PRR14L: variants seen among roughly 807,000 people sequenced by gnomAD.
PRR14L encodes proline rich 14 like.
In PRR14L, 80 loss-of-function variants were observed where a neutral mutation model predicts 155.0. The ratio of observed to expected loss-of-function variants is 0.52; its 90% CI spans 0.43 to 0.62. The LOEUF is 0.62. Ranked by LOEUF, PRR14L falls within the 20% of genes least tolerant of loss-of-function variation. PRR14L has a pLI of 0.00. For synonymous variants in PRR14L, 883 were observed against 916.0 expected (o/e 0.96, Z 0.65); for missense variants, 2,469 against 2,548.0 (o/e 0.97, Z 0.67).
At position 31,712,902 on chromosome 22, in the gene PRR14L, GGAA is replaced by G. The variant is rs776365426; in HGVS notation, c.4934_4936del (p.Leu1645del). The G allele has an allele frequency of 1.0e-5, 16 of 1,551,838 alleles. No individual in the cohort carries two copies. In the East Asian group the frequency reaches 2.2e-4, roughly 21 times the overall value. On this transcript the variant is annotated inframe_deletion, in exon 4 of 9. Coordinates refer to ENST00000327423, the MANE Select transcript of PRR14L (RefSeq NM_173566.3). Reference sequence around the variant, plus strand: ...GAGGCGCTTGTAGCTTTTAGCCATTGGAAGAAGTTCAGAGGAACACCGTCGGTA... The same window carrying G: ...GAGGCGCTTGTAGCTTTTAGCCATTGGAAGTTCAGAGGAACACCGTCGGTA...
At chr22:31,717,566 C>A (rs1438510345) in intron 3 of PRR14L, among the ~76,000 whole-genome samples, 1 of 152,106 alleles carries the variant, frequency 6.6e-6, no homozygotes, top group Admixed American at 6.6e-5. Flanking sequence ...CAACTGAATA[C>A]AACATAGAAA....
intron 4 of PRR14L, among the ~76,000 whole-genome samples, chr22:31,705,769 G>A (rs1007873746): frequency 8.6e-5 from 13 of 151,820 alleles, no homozygotes; most frequent in Non-Finnish European, 1.5e-4. Flanking sequence ...GGAGGCTGAG[G>A]TGGGCAGATC....
intron 1 of PRR14L, among the ~76,000 whole-genome samples, chr22:31,744,150 G>A (rs1358406339): frequency 2.0e-5 from 2 of 100,542 alleles, no homozygotes; most frequent in Non-Finnish European, 4.1e-5. Context: ...TTTTTTTTTT[G>A]GGATGGAGTT....
chr22:31,738,890 C>A lies in PRR14L; in HGVS notation c.-30G>T. The A allele has an allele frequency of 7.2e-7, 1 of 1,387,438 alleles. No individual in the cohort carries two copies. Among genetic ancestry groups the A allele is most frequent in the Non-Finnish European group, 9.8e-7 (1 of 1,021,040 alleles). 85.9% of individuals were successfully genotyped at this position (1,387,438 alleles called of 1,614,324 possible). A position where few individuals can be genotyped will look rare whatever the true frequency, so the allele number is the denominator to read the frequency against. On this transcript the variant is annotated 5_prime_UTR_variant, in exon 2 of 9. Transcript: ENST00000327423. ...ACAGATGCAGATTATGGAGTCAAGT[C>A]TTTTACATCAAATGATTCACCCTGA...
intron 3 of PRR14L, among the ~76,000 whole-genome samples, chr22:31,723,178 T>C (rs2074700166): frequency 6.6e-6 from 1 of 152,154 alleles, no homozygotes; most frequent in African/African-American, 2.4e-5. Context: ...CAAGCTCGCC[T>C]ATACCAAACT....
In PRR14L at chr22:31,682,072, A is replaced by G. The variant is rs1313100759; in HGVS notation, c.*3455T>C. 6.6e-6 allele frequency: 1 copy of G among 152,244 alleles called. No individual in the cohort carries two copies. The highest frequency in any genetic ancestry group is 1.5e-5 in the Non-Finnish European group (1 of 68,050). 9.4% of individuals were successfully genotyped at this position (152,244 alleles called of 1,614,324 possible). On this transcript the variant is annotated 3_prime_UTR_variant, in exon 9 of 9. Coordinates refer to ENST00000327423, the MANE Select transcript of PRR14L (RefSeq NM_173566.3). Reference sequence around the variant, plus strand: ...GATCTTAATGTACATGGCATTGATTATGAGACGGAATTCCAGCCTGGAGAC... The same window carrying G: ...GATCTTAATGTACATGGCATTGATTGTGAGACGGAATTCCAGCCTGGAGAC...
At position 31,685,604 on chromosome 22, in the gene PRR14L, G is replaced by C; in HGVS notation, c.6379C>G (p.Leu2127Val). 6.4e-7 allele frequency: 1 copy of C among 1,551,984 alleles called. No individual in the cohort carries two copies. The highest frequency in any genetic ancestry group is 1.2e-5 in the South Asian group (1 of 84,046). The part of the protein sequence containing the change: ...AAVQSRELDA[L>V]LIQKLMELET... The stretch of plus-strand genomic sequence containing the variant: ...AGTTCCATTAGTTTCTGTATCAAAA[G>C]AGCATCCAGCTCTCGACTCTGCACA... Residue 2127 changes from leucine (L) to valine (V), a missense_variant, in exon 9 of 9, where the codon CTT becomes GTT. Leu to Val is a conservative substitution (Grantham distance 32). This residue lies in a region of PRR14L where 106 missense variants were observed against 176.4 expected (regional missense o/e 0.60). Coordinates refer to ENST00000327423, the MANE Select transcript of PRR14L (RefSeq NM_173566.3).
chr22:31,694,251 G>A (rs544151749), intron 7 of PRR14L, among the ~76,000 whole-genome samples: 2 of 151,558 alleles, frequency 1.3e-5, no homozygotes, highest in Admixed American at 6.6e-5. Flanking sequence ...CACTCCAGCC[G>A]GGAAAGGCGT....
chr22:31,682,382 T>A lies in PRR14L; in HGVS notation c.*3145A>T, dbSNP rs1021846944. ...GTTTCTGGGCTCCTCAGGCTCCGAA[T>A]AAGGCAAACGCTACATGTCTTCACC... On this transcript the variant is annotated 3_prime_UTR_variant, in exon 9 of 9. Coordinates refer to ENST00000327423, the MANE Select transcript of PRR14L (RefSeq NM_173566.3). 1 of 143,912 alleles carries A rather than the reference T, an allele frequency of 6.9e-6. No homozygotes were observed. The highest frequency in any genetic ancestry group is 2.8e-5 in the African/African-American group (1 of 35,800). 8.9% of individuals were successfully genotyped at this position (143,912 alleles called of 1,614,324 possible). A position where few individuals can be genotyped will look rare whatever the true frequency, so the allele number is the denominator to read the frequency against.
intron 7 of PRR14L, among the ~76,000 whole-genome samples, chr22:31,698,018 TAGTC>T (rs1255313143): frequency 1.3e-5 from 2 of 151,978 alleles, no homozygotes; most frequent in Admixed American, 6.6e-5. Flanking sequence ...TTAATTCAAG[TAGTC>T]AGTCCCTTCT....
intron 2 of PRR14L, among the ~76,000 whole-genome samples, chr22:31,737,000 T>A (rs942617779): frequency 1.7e-5 from 2 of 120,206 alleles, no homozygotes; most frequent in African/African-American, 6.5e-5. Flanking sequence ...ATCACACCAC[T>A]GCACTCCAGC....
Position 31,714,442 on chromosome 22 carries a change from C to T in PRR14L, c.3397G>A (p.Glu1133Lys), listed in dbSNP as rs2074642522. The stretch of plus-strand genomic sequence containing the variant: ...TTTAAAGATCTGCATACGTTTTCTT[C>T]ACATGATTTTTTTATTTTGAGAAAG... ...VDFLKIKKSC[E>K]ENVCRSLKDC... is the part of the protein sequence containing the mutation. Residue 1133 changes from glutamate (E) to lysine (K), a missense_variant, in exon 4 of 9, where the codon GAA becomes AAA. Transcript: ENST00000327423. 7.7e-6 allele frequency: 12 copies of T among 1,551,546 alleles called. No individual in the cohort carries two copies. The highest frequency in any genetic ancestry group is 1.0e-5 in the Non-Finnish European group (12 of 1,146,976).
Position 31,738,830 on chromosome 22 carries a change from C to T in PRR14L, c.31G>A (p.Val11Ile). 1 of 1,545,212 alleles carries T rather than the reference C, an allele frequency of 6.5e-7. No individual in the cohort carries two copies. The highest frequency in any genetic ancestry group is 8.7e-7 in the Non-Finnish European group (1 of 1,146,920). MLSSGVETQP[V>I]PLDSSMSAVV... Reference sequence around the variant, plus strand: ...GCAGACATGGAGGAATCAAGTGGAACTGGCTGAGTCTCTACTCCAGATGAC... The same window carrying T: ...GCAGACATGGAGGAATCAAGTGGAATTGGCTGAGTCTCTACTCCAGATGAC... Residue 11 changes from valine (V) to isoleucine (I), a missense_variant, in exon 2 of 9, where the codon GTT becomes ATT. Physicochemically the swap from Val to Ile is conservative, Grantham distance 29. Transcript: ENST00000327423.
intron 2 of PRR14L, among the ~76,000 whole-genome samples, chr22:31,737,174 A>G (rs1471497387): frequency 2.0e-5 from 3 of 152,036 alleles, no homozygotes; most frequent in Non-Finnish European, 2.9e-5. Context: ...GGACAGGTAC[A>G]TTCCTTTAAG....
chr22:31,708,152 GA>G (rs200120910), intron 4 of PRR14L, among the ~76,000 whole-genome samples: 2 of 148,574 alleles, frequency 1.3e-5, no homozygotes, highest in Non-Finnish European at 3.0e-5. Context: ...TCCATCTCAG[GA>G]AAAAAAAACA....
At chr22:31,707,454 C>G (rs1436009992) in intron 4 of PRR14L, among the ~76,000 whole-genome samples, 2 of 152,122 alleles carry the variant, frequency 1.3e-5, no homozygotes, top group South Asian at 4.1e-4. Context: ...GATCTCGGCT[C>G]ACTGCAACCT....
chr22:31,746,175 C>T (rs779902573), intron 1 of PRR14L, among the ~76,000 whole-genome samples: 3 of 152,118 alleles, frequency 2.0e-5, no homozygotes, highest in Non-Finnish European at 4.4e-5. Context: ...AGTGATCCTC[C>T]CACCTCGGCC....
chr22:31,698,774 T>G (rs966716023), intron 7 of PRR14L, among the ~76,000 whole-genome samples: 1 of 151,480 alleles, frequency 6.6e-6, no homozygotes, highest in Non-Finnish European at 1.5e-5. Flanking sequence ...TACAAAAAAT[T>G]AGCCGGGCGT....
chr22:31,704,593 A>G lies in PRR14L; in HGVS notation c.5828+62T>C, dbSNP rs550907415. 5.8e-6 allele frequency: 8 copies of G among 1,379,690 alleles called. No homozygotes were observed. The South Asian group carries it at 5.8e-5, about 10-fold the overall frequency. 85.5% of individuals were successfully genotyped at this position (1,379,690 alleles called of 1,614,324 possible). On this transcript the variant is annotated intron_variant, in intron 5 of 8. Coordinates refer to ENST00000327423, the MANE Select transcript of PRR14L (RefSeq NM_173566.3). The stretch of plus-strand genomic sequence containing the variant: ...GACGATCCACACCACCTATGTATGC[A>G]CTCTCTCTCTTGCACACACACACGC...
Sources: allele counts gnomAD v4.1 joint callset (sites outside exome capture counted in the v4.1 genomes callset), GRCh38; gene constraint gnomAD v4.1.1; regional missense constraint gnomAD v4.1.1; transcripts MANE v1.5; gene names NCBI Gene and HGNC (gene_info 2026-07-23, HGNC 2026-07-21).